FBXL20: variants seen among roughly 807,000 people sequenced by gnomAD.
The protein encoded by FBXL20 is F-box and leucine rich repeat protein 20.
In FBXL20, 11 loss-of-function variants were observed where a neutral mutation model predicts 64.0. That is an observed-to-expected ratio of 0.17 (90% CI 0.11 to 0.28). The LOEUF is 0.28. FBXL20 is among the 10% of genes least tolerant of loss of function. The probability of loss-of-function intolerance (pLI) is 1.00; values close to 1 mark genes in which losing one functional copy is unlikely to be tolerated. For synonymous variants in FBXL20, 184 were observed against 189.0 expected, an observed-to-expected ratio of 0.97 and a Z score of 0.22; for missense variants, 303 against 526.2, an observed-to-expected ratio of 0.58 and a Z score of 4.15.
chr17:39,361,375 G>A (rs1240896049), intron 1 of FBXL20, among the ~76,000 whole-genome samples: 1 of 152,144 alleles, frequency 6.6e-6, no homozygotes, highest in Non-Finnish European at 1.5e-5. Context: ...TAACATGAGA[G>A]ATATGCAGAA....
chr17:39,365,229 TC>T (rs772638853), intron 1 of FBXL20, among the ~76,000 whole-genome samples: 3 of 152,238 alleles, frequency 2.0e-5, no homozygotes, highest in Non-Finnish European at 2.9e-5. Context: ...ATTATGCCAT[TC>T]CTTCATTCAA....
intron 14 of FBXL20, among the ~76,000 whole-genome samples, chr17:39,263,598 G>A (rs940225946): frequency 2.0e-5 from 3 of 152,166 alleles, no homozygotes; most frequent in Middle Eastern, 3.2e-3. Context: ...GGATGCTGAG[G>A]TGGGAGGATC....
chr17:39,375,716 G>C (rs1255871436), intron 1 of FBXL20, among the ~76,000 whole-genome samples: 1 of 152,126 alleles, frequency 6.6e-6, no homozygotes, highest in Non-Finnish European at 1.5e-5. Context: ...ACCAAGTCTT[G>C]CAATAACCCA....
At chr17:39,303,531 G>T in intron 3 of FBXL20, 54 bp downstream of exon 3, 1 of 1,450,044 alleles carries the variant, frequency 6.9e-7, no homozygotes, top group Non-Finnish European at 9.5e-7. Flanking sequence ...GAAAGAGGCT[G>T]TTATCATCAG....
intron 1 of FBXL20, among the ~76,000 whole-genome samples, chr17:39,396,956 CAA>C (rs1253381568): frequency 2.6e-5 from 2 of 78,332 alleles, no homozygotes; most frequent in African/African-American, 6.6e-5. Flanking sequence ...GACTCCGGCT[CAA>C]AAAAAAAAAA....
chr17:39,381,794 A>AG (rs1368139363), intron 1 of FBXL20, among the ~76,000 whole-genome samples: 2 of 149,192 alleles, frequency 1.3e-5, no homozygotes, highest in Non-Finnish European at 3.0e-5. Context: ...CCCTCTCTGA[A>AG]GGGAAAAAAA....
chr17:39,396,012 T>G lies in FBXL20; in HGVS notation c.42+5349A>C, dbSNP rs1245213542. On this transcript the variant is annotated intron_variant, in intron 1 of 14. Coordinates refer to ENST00000264658, the MANE Select transcript of FBXL20 (RefSeq NM_032875.3). ...TTCAAAGCCAAGAGTTTTGTGGGGT[T>G]TTTTTTTTTTTTTAATTCATTTGTT... Among the ~76,000 whole-genome samples the G allele has an allele frequency of 3.2e-4, 20 of 62,452 alleles. No individual in the cohort carries two copies. In the African/African-American group the frequency reaches 3.5e-3, roughly 11 times the overall value. 41.0% of individuals were successfully genotyped at this position (62,452 alleles called of 152,430 possible).
intron 6 of FBXL20, among the ~76,000 whole-genome samples, chr17:39,295,044 A>G (rs1158929326): frequency 6.6e-6 from 1 of 152,238 alleles, no homozygotes; most frequent in African/African-American, 2.4e-5. Flanking sequence ...GGATTAAATA[A>G]TATGATGTCT....
chr17:39,283,107 A>G (rs2046961616), intron 7 of FBXL20, among the ~76,000 whole-genome samples: 1 of 152,224 alleles, frequency 6.6e-6, no homozygotes, highest in Admixed American at 6.5e-5. Flanking sequence ...TCAGATTTAT[A>G]TTCCTTTTGT....
chr17:39,279,215 A>C (rs1243694385), intron 9 of FBXL20, among the ~76,000 whole-genome samples: 1 of 152,148 alleles, frequency 6.6e-6, no homozygotes, highest in African/African-American at 2.4e-5. Context: ...CGGAATTGTA[A>C]GGAAGAGCCC....
At chr17:39,359,139 T>G (rs192046652) in intron 1 of FBXL20, among the ~76,000 whole-genome samples, 1 of 152,068 alleles carries the variant, frequency 6.6e-6, no homozygotes, top group East Asian at 1.9e-4. Context: ...CTCAGGAGTT[T>G]GAAACCAGCC....
chr17:39,402,283 T>TGCCGCC (rs951681719), upstream of FBXL20: 5 of 1,152,564 alleles, frequency 4.3e-6, no homozygotes, highest in African/African-American at 1.7e-5. Context: ...CCTCCGCGGT[T>TGCCGCC]GCCGCCGCCG....
intron 1 of FBXL20, among the ~76,000 whole-genome samples, chr17:39,377,893 G>C (rs925612012): frequency 6.6e-6 from 1 of 152,140 alleles, no homozygotes; most frequent in African/African-American, 2.4e-5. Context: ...CATGCCTGTA[G>C]TCCTAGCTAC....
chr17:39,270,667 A>G (rs562290518), intron 11 of FBXL20, 129 bp downstream of exon 11: 12 of 707,230 alleles, frequency 1.7e-5, no homozygotes. Context: ...TAGCTATAGC[A>G]TGAAACCCCG....
intron 1 of FBXL20, among the ~76,000 whole-genome samples, chr17:39,370,161 T>C (rs571749127): frequency 5.3e-5 from 8 of 151,760 alleles, no homozygotes; most frequent in African/African-American, 1.7e-4. Flanking sequence ...AAAATAATGT[T>C]TGCATGTGTC....
chr17:39,377,622 T>C (rs1212241373), intron 1 of FBXL20, among the ~76,000 whole-genome samples: 1 of 151,248 alleles, frequency 6.6e-6, no homozygotes, highest in Non-Finnish European at 1.5e-5. Context: ...TGCCTCAGCC[T>C]CCTGAGTAGC....
chr17:39,396,293 G>C (rs2048182231), intron 1 of FBXL20, among the ~76,000 whole-genome samples: 1 of 152,014 alleles, frequency 6.6e-6, no homozygotes, highest in African/African-American at 2.4e-5. Context: ...CACCAAGCTA[G>C]AAAAGTAAAA....
chr17:39,305,721 C>T (rs1019957714), intron 2 of FBXL20, among the ~76,000 whole-genome samples: 1 of 152,032 alleles, frequency 6.6e-6, no homozygotes, highest in African/African-American at 2.4e-5. Flanking sequence ...AACAGTGGCT[C>T]ACGACTGTAA....
rs945458731 is a variant in FBXL20 at position 39,254,039 on chromosome 17, G to A, written c.*7421C>T. ...ATGAGGTACAGATCTGAATTAATGA[G>A]ATAATGGCAAGAGAAACTTAGTGAA... On this transcript the variant is annotated 3_prime_UTR_variant, in exon 15 of 15. Coordinates refer to ENST00000264658, the MANE Select transcript of FBXL20 (RefSeq NM_032875.3). 1.3e-5 allele frequency: 2 copies of A among 152,226 alleles called. No homozygotes were observed. The highest frequency in any genetic ancestry group is 4.8e-5 in the African/African-American group (2 of 41,460). 9.4% of individuals were successfully genotyped at this position (152,226 alleles called of 1,614,324 possible).
Sources: gnomAD v4.1 joint callset for allele counts (sites outside exome capture counted in the v4.1 genomes callset) on GRCh38, gnomAD v4.1.1 for gene constraint, MANE v1.5 for transcripts, NCBI Gene and HGNC (gene_info 2026-07-23, HGNC 2026-07-21) for gene names.